PLXDC2: variants seen among roughly 807,000 people sequenced by gnomAD.
PLXDC2 encodes the protein plexin domain-containing protein 2.
Under a neutral mutation model 68.9 loss-of-function variants are expected in PLXDC2, and 40 were observed. That is an observed-to-expected ratio of 0.58 (90% CI 0.45 to 0.76). The LOEUF (loss-of-function observed/expected upper bound fraction) is 0.76, where lower values mean the gene tolerates loss of function less well. Among genes scored for constraint, PLXDC2 ranks in the 30% least tolerant of loss-of-function variants. The pLI, the probability that PLXDC2 is intolerant of heterozygous loss-of-function variation, is 0.00. For synonymous variants in PLXDC2, 243 were observed against 234.2 expected, an observed-to-expected ratio of 1.04 and a Z score of -0.34; for missense variants, 644 against 661.9, an observed-to-expected ratio of 0.97 and a Z score of 0.30.
intron 13 of PLXDC2, 74 bp from the exon 14 acceptor site, chr10:20,279,629 C>G: frequency 9.0e-7 from 1 of 1,105,362 alleles, no homozygotes; most frequent in Non-Finnish European, 1.4e-6. Flanking sequence ...TCTAAAATAG[C>G]TAGCAAATAG....
At chr10:19,830,060 T>C (rs2131308523) in intron 1 of PLXDC2, among the ~76,000 whole-genome samples, 1 of 152,340 alleles carries the variant, frequency 6.6e-6, no homozygotes, top group East Asian at 1.9e-4. Context: ...AATTTGCTTC[T>C]CTGGAGAGAA....
chr10:20,242,007 T>G (rs942419672), intron 12 of PLXDC2, among the ~76,000 whole-genome samples: 1 of 151,598 alleles, frequency 6.6e-6, no homozygotes, highest in Admixed American at 6.6e-5. Flanking sequence ...AAGAGAGGGA[T>G]GGAGGGATGG....
intron 1 of PLXDC2, among the ~76,000 whole-genome samples, chr10:19,836,843 C>T (rs1009971172): frequency 2.0e-5 from 3 of 152,136 alleles, no homozygotes; most frequent in Non-Finnish European, 2.9e-5. Context: ...GTTGTTTTTC[C>T]TCACTGTAAT....
chr10:20,107,826 G>A (rs1224617406), intron 4 of PLXDC2, among the ~76,000 whole-genome samples: 1 of 151,810 alleles, frequency 6.6e-6, no homozygotes, highest in Admixed American at 6.6e-5. Flanking sequence ...TAGGCATAAG[G>A]GTGTATATAT....
intron 1 of PLXDC2, among the ~76,000 whole-genome samples, chr10:19,835,015 G>A (rs1345073856): frequency 6.6e-6 from 1 of 152,126 alleles, no homozygotes; most frequent in Non-Finnish European, 1.5e-5. Flanking sequence ...GTGAGTGGCA[G>A]GAGGGCAGAG....
At chr10:20,180,619 C>T (rs139626072) in intron 9 of PLXDC2, among the ~76,000 whole-genome samples, 2,699 of 152,068 alleles carry the variant, frequency 0.018, 36 homozygotes, top group Middle Eastern at 0.048. Flanking sequence ...GAATGATAAT[C>T]GGTTGGTGGT....
chr10:20,032,114 C>G (rs1835510237), intron 2 of PLXDC2, among the ~76,000 whole-genome samples: 1 of 152,088 alleles, frequency 6.6e-6, no homozygotes, highest in South Asian at 2.1e-4. Context: ...AGCCACCATG[C>G]CTGGCCCAGA....
intron 2 of PLXDC2, among the ~76,000 whole-genome samples, chr10:20,024,623 G>A (rs1308710997): frequency 6.6e-6 from 1 of 151,994 alleles, no homozygotes; most frequent in Non-Finnish European, 1.5e-5. Context: ...TTAGATACAA[G>A]GGGTATGTGT....
chr10:20,099,152 A>G (rs1372289814), intron 4 of PLXDC2, among the ~76,000 whole-genome samples: 7 of 152,208 alleles, frequency 4.6e-5, no homozygotes, highest in Non-Finnish European at 2.9e-5. Context: ...TGAGTTCTCT[A>G]TTACTGCGGC....
chr10:19,880,515 A>G (rs1222633919), intron 1 of PLXDC2, among the ~76,000 whole-genome samples: 1 of 152,200 alleles, frequency 6.6e-6, no homozygotes, highest in Non-Finnish European at 1.5e-5. Flanking sequence ...AAGATATTTT[A>G]TTGTACTGAC....
At chr10:20,092,535 A>G (rs953333277) in intron 4 of PLXDC2, among the ~76,000 whole-genome samples, 1 of 152,142 alleles carries the variant, frequency 6.6e-6, no homozygotes, top group Admixed American at 6.6e-5. Context: ...TTGGAAATAT[A>G]TTTTGGACAA....
intron 1 of PLXDC2, among the ~76,000 whole-genome samples, chr10:19,972,648 G>GA (rs1472389606): frequency 1.3e-5 from 2 of 152,114 alleles, no homozygotes; most frequent in South Asian, 4.1e-4. Context: ...AAAGTTGGAA[G>GA]AAAAAAAATG....
intron 4 of PLXDC2, among the ~76,000 whole-genome samples, chr10:20,110,336 G>C (rs1174610392): frequency 1.3e-5 from 2 of 152,190 alleles, no homozygotes; most frequent in African/African-American, 2.4e-5. Flanking sequence ...AAGGAGGGCA[G>C]TGAATGACAG....
intron 13 of PLXDC2, among the ~76,000 whole-genome samples, chr10:20,270,141 G>A (rs548935768): frequency 3.1e-4 from 47 of 152,284 alleles, no homozygotes; most frequent in African/African-American, 1.1e-3. Flanking sequence ...AAGGGAGTTA[G>A]AAGACTATTG....
At chr10:19,918,030 C>G (rs1230276523) in intron 1 of PLXDC2, among the ~76,000 whole-genome samples, 1 of 152,188 alleles carries the variant, frequency 6.6e-6, no homozygotes, top group Non-Finnish European at 1.5e-5. Flanking sequence ...TGCTGGTGTC[C>G]CATCACTGCA....
At chr10:19,910,277 G>A (rs1010227183) in intron 1 of PLXDC2, among the ~76,000 whole-genome samples, 1 of 151,770 alleles carries the variant, frequency 6.6e-6, no homozygotes, top group African/African-American at 2.4e-5. Flanking sequence ...GAGTCAGGAT[G>A]CTGCTGCTGT....
At chr10:19,880,586 C>T (rs1204374005) in intron 1 of PLXDC2, among the ~76,000 whole-genome samples, 1 of 152,038 alleles carries the variant, frequency 6.6e-6, no homozygotes, top group African/African-American at 2.4e-5. Context: ...AAGCAAAACT[C>T]GAGATAAAAG....
At chr10:20,245,049 G>T (rs1355826109) in intron 12 of PLXDC2, among the ~76,000 whole-genome samples, 1 of 152,184 alleles carries the variant, frequency 6.6e-6, no homozygotes, top group African/African-American at 2.4e-5. Flanking sequence ...AGGAGGCAGA[G>T]GTTGCAGTGA....
At chr10:19,980,419 G>T (rs1834533772) in intron 1 of PLXDC2, among the ~76,000 whole-genome samples, 1 of 152,146 alleles carries the variant, frequency 6.6e-6, no homozygotes, top group Admixed American at 6.5e-5. Flanking sequence ...ACCATAGACT[G>T]GGTGGCATAA....
Sources: allele counts gnomAD v4.1 joint callset (sites outside exome capture counted in the v4.1 genomes callset), GRCh38; gene constraint gnomAD v4.1.1; transcripts MANE v1.5; gene names NCBI Gene and HGNC (gene_info 2026-07-23, HGNC 2026-07-21).